The following RBP4 variants were observed in gnomAD, a reference collection of about 807,000 sequenced individuals.
RBP4 encodes the protein retinol-binding protein 4.
Under a neutral mutation model 26.2 loss-of-function variants are expected in RBP4, and 9 were observed. The ratio of observed to expected loss-of-function variants is 0.34; its 90% CI spans 0.21 to 0.60. The LOEUF is 0.60. Among genes scored for constraint, RBP4 ranks in the 20% least tolerant of loss-of-function variants. The probability of loss-of-function intolerance (pLI) is 0.80; values close to 1 mark genes in which losing one functional copy is unlikely to be tolerated. For synonymous variants in RBP4, 114 were observed against 111.0 expected (o/e 1.03, Z -0.17); for missense variants, 244 against 271.3 (o/e 0.90, Z 0.71).
chr10:93,591,980 G>A lies in RBP4; in HGVS notation c.*95C>T. The A allele has an allele frequency of 9.8e-7, 1 of 1,020,328 alleles. No homozygotes were observed. The highest frequency in any genetic ancestry group is 1.7e-5 in the Admixed American group (1 of 58,668). The allele number at this position is 1,020,328 out of a possible 1,614,324, so 63.2% of individuals were successfully genotyped here. ...GGTTTTATGGGAACTGAGGGAAGAT[G>A]GGGAGAGAAGGGCAAATTAAACTCC... On this transcript the variant is annotated 3_prime_UTR_variant, in exon 6 of 6. Transcript: ENST00000371464.
intron 4 of RBP4, 66 bp from the exon 5 acceptor site, chr10:93,594,101 C>A: frequency 6.7e-7 from 1 of 1,487,996 alleles, no homozygotes; most frequent in Non-Finnish European, 9.3e-7. Context: ...GTCGGAGAAA[C>A]TCACGACCAG....
intron 2 of RBP4, 43 bp downstream of exon 2, chr10:93,600,875 G>T (rs1451136056): frequency 1.9e-6 from 3 of 1,607,204 alleles, no homozygotes; most frequent in South Asian, 2.2e-5. Flanking sequence ...GCGGGGATGG[G>T]GTGGGGACCT....
chr10:93,597,692 A>G (rs1235263871), intron 4 of RBP4, among the ~76,000 whole-genome samples: 1 of 152,186 alleles, frequency 6.6e-6, no homozygotes, highest in Admixed American at 6.5e-5. Flanking sequence ...ATCACATTTA[A>G]TTTTAAAATA....
chr10:93,601,299 C>A, upstream of RBP4: 1 of 1,215,274 alleles, frequency 8.2e-7, no homozygotes, highest in Non-Finnish European at 1.0e-6. Context: ...CTTTCGTAAC[C>A]GCGCGGGGTG....
chr10:93,600,642 C>T (rs758254462), intron 3 of RBP4, 25 bp downstream of exon 3: 11 of 1,611,894 alleles, frequency 6.8e-6, no homozygotes, highest in African/African-American at 1.3e-5. Flanking sequence ...GCGCAAAGGG[C>T]GCAGCTGCCC....
chr10:93,600,617 T>C (rs756699910), intron 3 of RBP4, 50 bp downstream of exon 3: 6 of 1,612,598 alleles, frequency 3.7e-6, no homozygotes, highest in Non-Finnish European at 5.1e-6. Context: ...GGCAGGGCCC[T>C]TGGGGAACCC....
At position 93,600,932 on chromosome 10, in the gene RBP4, A is replaced by C; in HGVS notation, c.97T>G (p.Phe33Val). 2 of 1,612,474 alleles carry C rather than the reference A, an allele frequency of 1.2e-6. No individual in the cohort carries two copies. Among genetic ancestry groups the C allele is most frequent in the Non-Finnish European group, 1.7e-6 (2 of 1,179,770 alleles). The change falls in exon 2 of 6, where the codon TTC (phenylalanine) becomes GTC (valine). Residue 33 changes from phenylalanine to valine, a missense_variant. Transcript: ENST00000371464. Reference sequence around the variant, plus strand: ...CCGATACCTACGCGAGCCTTGTCGAAGTTCTCCTTGACTCGGAAGCTGCTC... The same window carrying C: ...CCGATACCTACGCGAGCCTTGTCGACGTTCTCCTTGACTCGGAAGCTGCTC... Reference protein sequence around the residue: ...RVSSFRVKENFDKARFSGTWY... With the variant: ...RVSSFRVKENVDKARFSGTWY...
rs762684470 is a variant in RBP4, at chr10:93,600,657, G to T, written c.248+10C>A. Reference sequence around the variant, plus strand: ...GCGCAAAGGGCGCAGCTGCCCCGGCGGCCACTGACTTCAAAAGACGGACTC... The same window carrying T: ...GCGCAAAGGGCGCAGCTGCCCCGGCTGCCACTGACTTCAAAAGACGGACTC... On this transcript the variant is annotated intron_variant, in intron 3 of 5. Transcript: ENST00000371464. The T allele has an allele frequency of 6.2e-7, 1 of 1,611,948 alleles. No individual in the cohort carries two copies. The highest frequency in any genetic ancestry group is 8.5e-7 in the Non-Finnish European group (1 of 1,179,208).
chr10:93,598,585 T>C (rs1208785685), intron 4 of RBP4, among the ~76,000 whole-genome samples: 3 of 152,212 alleles, frequency 2.0e-5, no homozygotes, highest in African/African-American at 7.2e-5. Flanking sequence ...ATGGCAGTAC[T>C]TTTTCGCCCT....
In RBP4 at chr10:93,600,384, A is replaced by T. The variant is rs764878468; in HGVS notation, c.355+9T>A. On this transcript the variant is annotated intron_variant, in intron 4 of 5. Transcript: ENST00000371464. The stretch of plus-strand genomic sequence containing the variant: ...TTCCCAAGACAGTCCCACAGAGCTG[A>T]CTACTCACTTCCTTTCTGGAGAAAG... 22 of 1,611,704 alleles carry T rather than the reference A, an allele frequency of 1.4e-5. No individual in the cohort carries two copies. In the East Asian group the frequency reaches 4.9e-4, roughly 36 times the overall value.
At chr10:93,593,728 G>T (rs991358531) in intron 5 of RBP4, 95 bp downstream of exon 5, 2 of 1,388,280 alleles carry the variant, frequency 1.4e-6, no homozygotes, top group African/African-American at 2.8e-5. Flanking sequence ...TTTCTCTGGG[G>T]TACGGACAAA....
chr10:93,594,001 G>A lies in RBP4; in HGVS notation c.390C>T (p.Asp130=), dbSNP rs1389874351. 1 of 1,613,806 alleles carries A rather than the reference G, an allele frequency of 6.2e-7. No homozygotes were observed. The highest frequency in any genetic ancestry group is 1.1e-5 in the South Asian group (1 of 91,082). Reference sequence around the variant, plus strand: ...GGCAGGAGTACTGCACGGCATACGTGTCGTAGTCTGTGTCGACGATCCAGT... The same window carrying A: ...GGCAGGAGTACTGCACGGCATACGTATCGTAGTCTGTGTCGACGATCCAGT... ...DDHWIVDTDY[D]TYAVQYSCRL... is the part of the protein sequence containing the mutation. The change falls in exon 5 of 6, where the codon GAC becomes GAT. Residue 130 remains aspartate, a synonymous_variant. Coordinates refer to ENST00000371464, the MANE Select transcript of RBP4 (RefSeq NM_006744.4).
At position 93,594,030 on chromosome 10, in the gene RBP4, C is replaced by A; in HGVS notation, c.361G>T (p.Asp121Tyr). The change falls in exon 5 of 6, where the codon GAC becomes TAC. Residue 121 changes from aspartate (D) to tyrosine (Y), a missense_variant. Asp to Tyr is a radical substitution (Grantham distance 160, BLOSUM62 -3). Transcript: ENST00000371464. Reference sequence around the variant, plus strand: ...TAGTCTGTGTCGACGATCCAGTGGTCATCATCTGCAAGCCAGAAAGCCACC... The same window carrying A: ...TAGTCTGTGTCGACGATCCAGTGGTAATCATCTGCAAGCCAGAAAGCCACC... ...VASFLQKGND[D>Y]HWIVDTDYDT... 2 of 1,613,312 alleles carry A rather than the reference C, an allele frequency of 1.2e-6. No individual in the cohort carries two copies. Among genetic ancestry groups the A allele is most frequent in the South Asian group, 2.2e-5 (2 of 91,024 alleles).
chr10:93,598,343 G>A (rs76925335), intron 4 of RBP4, among the ~76,000 whole-genome samples: 13,272 of 152,272 alleles, frequency 0.087, 728 homozygotes, highest in African/African-American at 0.13. Context: ...TTCTATGATC[G>A]TTTCACTTTG....
chr10:93,593,710 AC>A (rs1336853557), intron 5 of RBP4, 112 bp downstream of exon 5: 4 of 1,240,558 alleles, frequency 3.2e-6, no homozygotes, highest in African/African-American at 2.9e-5. Context: ...GCTCCCAAGA[AC>A]CCCTGTTTTC....
Position 93,600,709 on chromosome 10 carries a change from C to T in RBP4, c.206G>A (p.Gly69Asp), listed in dbSNP as rs1286979622. The T allele has an allele frequency of 1.4e-5, 22 of 1,610,238 alleles. No homozygotes were observed. Among genetic ancestry groups the T allele is most frequent in the Non-Finnish European group, 1.9e-5 (22 of 1,178,510 alleles). ...IVAEFSVDET[G>D]QMSATAKGRV... ...GCCCTTGGCTGTGGCGCTCATCTGGCCGGTCTCGTCCACGGAGAACTCCGC... is the reference window on the plus strand; with the variant it reads ...GCCCTTGGCTGTGGCGCTCATCTGGTCGGTCTCGTCCACGGAGAACTCCGC... The change falls in exon 3 of 6, where the codon GGC (glycine) becomes GAC (aspartate). Residue 69 changes from glycine to aspartate, a missense_variant. Physicochemically the swap from Gly to Asp is moderately conservative, Grantham distance 94. Coordinates refer to ENST00000371464, the MANE Select transcript of RBP4 (RefSeq NM_006744.4).
At chr10:93,601,237 AGC>A (rs1195235006), upstream of RBP4, 5 of 1,229,696 alleles carry the variant, frequency 4.1e-6, no homozygotes, top group African/African-American at 3.2e-5. Context: ...GAGGGAGGCG[AGC>A]GCGCCGCGGC....
At position 93,594,829 on chromosome 10, in the gene RBP4, G is replaced by A. The variant is rs143827661; in HGVS notation, c.356-794C>T. The stretch of plus-strand genomic sequence containing the variant: ...TAAAAATATCAACGAAGGCAGGAGA[G>A]GAAAGAATGTTAATTAGAGTATATG... On this transcript the variant is annotated intron_variant, in intron 4 of 5. Coordinates refer to ENST00000371464, the MANE Select transcript of RBP4 (RefSeq NM_006744.4). Among the ~76,000 whole-genome samples, 896 of 152,310 alleles carry A rather than the reference G, an allele frequency of 5.9e-3. 11 individuals carry two copies. The highest frequency in any genetic ancestry group is 0.02 in the African/African-American group (837 of 41,572).
chr10:93,601,595 C>T (rs1358222067), upstream of RBP4: 4 of 723,416 alleles, frequency 5.5e-6, no homozygotes, highest in African/African-American at 1.7e-5. Flanking sequence ...CGTGGCCTCA[C>T]AGAGCGAGAG....
Sources: allele counts gnomAD v4.1 joint callset (sites outside exome capture counted in the v4.1 genomes callset), GRCh38; gene constraint gnomAD v4.1.1; transcripts MANE v1.5; gene names NCBI Gene and HGNC (gene_info 2026-07-23, HGNC 2026-07-21).